HUNK: variants seen among roughly 807,000 people sequenced by gnomAD.
HUNK encodes hormonally up-regulated neu tumor-associated kinase.
In HUNK, 21 loss-of-function variants were observed where a neutral mutation model predicts 61.0. The observed-to-expected ratio is 0.34, with a 90% CI of 0.24 to 0.50. The LOEUF (loss-of-function observed/expected upper bound fraction) is 0.50. Ranked by LOEUF, HUNK falls within the 20% of genes least tolerant of loss-of-function variation. The pLI, the probability that HUNK is intolerant of heterozygous loss-of-function variation, is 0.98. For missense variants in HUNK, 772 were observed against 945.7 expected (o/e 0.82, Z 2.41); for synonymous variants, 371 against 386.1 (o/e 0.96, Z 0.46).
At position 31,873,974 on chromosome 21, in the gene HUNK, C is replaced by CG; in HGVS notation, c.261+42dup. ...GCGCCGTGGGGCTGGGGCACAGGGG[C>CG]GGGAGTCGGCGGCCAGGACCCCGCG... On this transcript the variant is annotated intron_variant, in intron 1 of 10. Coordinates refer to ENST00000270112, the MANE Select transcript of HUNK (RefSeq NM_014586.2). The surrounding 1 kb of genome is among the most constrained non-coding windows in gnomAD (Gnocchi z 6.1). 7.2e-7 allele frequency: 1 copy of CG among 1,393,740 alleles called. No homozygotes were observed. 86.3% of individuals were successfully genotyped at this position (1,393,740 alleles called of 1,614,324 possible).
chr21:31,997,306 G>A (rs2053212605), intron 10 of HUNK, among the ~76,000 whole-genome samples: 1 of 152,198 alleles, frequency 6.6e-6, no homozygotes, highest in Admixed American at 6.5e-5. Context: ...GAAACCATGG[G>A]GATCTGGCAG....
In HUNK at chr21:31,924,662, C is replaced by T; in HGVS notation, c.456C>T (p.Ile152=). ...CTGGGGGCAACCTGATGCACAAGAT[C>T]TATGAGAAGAAGCGGCTGGAGGAGT... ...LCPGGNLMHK[I]YEKKRLEESE... is the part of the protein sequence containing the mutation. The change falls in exon 2 of 11, where the codon ATC becomes ATT. Residue 152 remains isoleucine, a synonymous_variant. Coordinates refer to ENST00000270112, the MANE Select transcript of HUNK (RefSeq NM_014586.2). This position sits in a 1 kb window ranked among gnomAD's most constrained non-coding sequence, Gnocchi z 5.1. 1 of 1,614,150 alleles carries T rather than the reference C, an allele frequency of 6.2e-7. No homozygotes were observed. Among genetic ancestry groups the T allele is most frequent in the South Asian group, 1.1e-5 (1 of 91,086 alleles).
chr21:31,921,245 G>C (rs2052620721), intron 1 of HUNK, among the ~76,000 whole-genome samples: 1 of 150,864 alleles, frequency 6.6e-6, no homozygotes, highest in African/African-American at 2.4e-5. Context: ...TCTTTGCTTT[G>C]GTGATTCCAT....
At chr21:31,882,736 C>T (rs1354984089) in intron 1 of HUNK, among the ~76,000 whole-genome samples, 1 of 152,170 alleles carries the variant, frequency 6.6e-6, no homozygotes, top group African/African-American at 2.4e-5. Context: ...GTCACCCTAA[C>T]AGACATTAGA....
At chr21:31,921,854 G>C (rs2052624650) in intron 1 of HUNK, among the ~76,000 whole-genome samples, 1 of 152,022 alleles carries the variant, frequency 6.6e-6, no homozygotes. Context: ...GCTTTATTGA[G>C]GTTTAACTGA....
chr21:31,919,623 C>T (rs1568925300), intron 1 of HUNK, among the ~76,000 whole-genome samples: 3 of 152,322 alleles, frequency 2.0e-5, no homozygotes, highest in Non-Finnish European at 2.9e-5. Context: ...CCTATTTTGA[C>T]ATAGCTCATG....
intron 2 of HUNK, among the ~76,000 whole-genome samples, chr21:31,929,730 CCTG>C (rs1471547942): frequency 5.9e-5 from 9 of 152,324 alleles, no homozygotes; most frequent in Non-Finnish European, 1.3e-4. Context: ...GGAGCCCGAG[CCTG>C]AGCTCGGATG....
At chr21:31,990,718 T>C (rs1029432300) in intron 9 of HUNK, among the ~76,000 whole-genome samples, 8 of 151,994 alleles carry the variant, frequency 5.3e-5, no homozygotes, top group Non-Finnish European at 1.0e-4. Flanking sequence ...GTATTTTTAG[T>C]AGAGATAGAG....
chr21:31,974,711 G>T lies in HUNK; in HGVS notation c.1167G>T (p.Leu389Phe). ...TAAACAAGAAACTGGAGCGCTATTTGTCAGGGGTAAGTGCGACCCTAGAGG... is the reference window on the plus strand; with the variant it reads ...TAAACAAGAAACTGGAGCGCTATTTTTCAGGGGTAAGTGCGACCCTAGAGG... ...FLLNKKLERY[L>F]SGKSDIQDSL... is the part of the protein sequence containing the mutation. Residue 389 changes from leucine (L) to phenylalanine (F), a missense_variant, in exon 7 of 11, where the codon TTG becomes TTT. Leu to Phe is a conservative substitution (Grantham distance 22). Transcript: ENST00000270112. The T allele has an allele frequency of 6.2e-7, 1 of 1,613,298 alleles. No individual in the cohort carries two copies. The highest frequency in any genetic ancestry group is 8.5e-7 in the Non-Finnish European group (1 of 1,179,652).
chr21:31,979,281 G>A (rs2053074589), intron 7 of HUNK, among the ~76,000 whole-genome samples: 1 of 151,820 alleles, frequency 6.6e-6, no homozygotes. Flanking sequence ...ACCATGCCCA[G>A]CTAATTTTTG....
At chr21:31,891,784 A>G (rs1248725680) in intron 1 of HUNK, among the ~76,000 whole-genome samples, 1 of 152,200 alleles carries the variant, frequency 6.6e-6, no homozygotes, top group Non-Finnish European at 1.5e-5. Flanking sequence ...TAACCAATCC[A>G]GTAGTCTTTT....
In HUNK at chr21:31,968,327, C is replaced by T. The variant is rs192440238; in HGVS notation, c.952C>T (p.Arg318Cys). The change falls in exon 6 of 11, where the codon CGC becomes TGC. Residue 318 changes from arginine to cysteine, a missense_variant. Around this residue, in one of 2 missense-constraint regions of HUNK, gnomAD observed 359 missense variants for 501.3 expected, o/e 0.72. Coordinates refer to ENST00000270112, the MANE Select transcript of HUNK (RefSeq NM_014586.2). ...AAATATTCAGCAGGCACTGGCGAAT[C>T]GCTGGCTTAATGAGAATTACACGGG... ...RPNIQQALAN[R>C]WLNENYTGKV... 3.3e-5 allele frequency: 53 copies of T among 1,614,188 alleles called. No individual in the cohort carries two copies. The East Asian group carries it at 1.1e-3, about 33-fold the overall frequency.
intron 4 of HUNK, among the ~76,000 whole-genome samples, chr21:31,946,464 C>T (rs72613610): frequency 0.12 from 18,402 of 152,136 alleles, 1,195 homozygotes; most frequent in East Asian, 0.21. Flanking sequence ...GCCCCATCCT[C>T]CTGCCCTTAG....
intron 6 of HUNK, 179 bp from the exon 7 acceptor site, chr21:31,974,376 A>G: frequency 2.0e-6 from 1 of 509,320 alleles, no homozygotes; most frequent in Non-Finnish European, 3.4e-6. Context: ...AGATGATGGT[A>G]TACATAAAGT....
chr21:31,972,440 A>G (rs929095639), intron 6 of HUNK, among the ~76,000 whole-genome samples: 2 of 152,222 alleles, frequency 1.3e-5, no homozygotes, highest in East Asian at 3.8e-4. Flanking sequence ...CTCTCAGTCC[A>G]GAGTCAGTTG....
Position 31,975,620 on chromosome 21 carries a change from C to T in HUNK, c.1173+903C>T, listed in dbSNP as rs546026500. 2.9e-3 allele frequency among the ~76,000 whole-genome samples: 445 copies of T among 152,168 alleles called. 15 individuals are homozygous for T. The highest frequency in any genetic ancestry group is 3.1e-3 in the Non-Finnish European group (209 of 68,022). On this transcript the variant is annotated intron_variant, in intron 7 of 10. Transcript: ENST00000270112. ...CCTGTTGCACCTTGACATCTGATGG[C>T]GTGGAGTTGTCACTGTTAGGAAGAC... is the stretch of plus-strand genomic sequence containing the variant.
rs772351266 is a variant in HUNK at position 31,924,688 on chromosome 21, C to T, written c.482C>T (p.Ser161Phe). The T allele has an allele frequency of 6.2e-7, 1 of 1,614,050 alleles. No individual in the cohort carries two copies. Among genetic ancestry groups the T allele is most frequent in the East Asian group, 2.2e-5 (1 of 44,868 alleles). Residue 161 changes from serine (S) to phenylalanine (F), a missense_variant, in exon 2 of 11, where the codon TCC becomes TTC. Physicochemically the swap from Ser to Phe is radical, Grantham distance 155. Coordinates refer to ENST00000270112, the MANE Select transcript of HUNK (RefSeq NM_014586.2). The surrounding 1 kb of genome is among the most constrained non-coding windows in gnomAD (Gnocchi z 5.1). ...TATGAGAAGAAGCGGCTGGAGGAGT[C>T]CGAAGCCCGCAGATACATCCGACAG... The part of the protein sequence containing the change: ...KIYEKKRLEE[S>F]EARRYIRQLI...
intron 3 of HUNK, among the ~76,000 whole-genome samples, chr21:31,941,959 A>T (rs760995444): frequency 2.6e-5 from 4 of 152,234 alleles, no homozygotes; most frequent in African/African-American, 4.8e-5. Flanking sequence ...TCACACCTGT[A>T]ATCCCACTTT....
intron 7 of HUNK, among the ~76,000 whole-genome samples, chr21:31,982,953 G>A (rs2123243345): frequency 6.6e-6 from 1 of 152,262 alleles, no homozygotes; most frequent in East Asian, 1.9e-4. Flanking sequence ...ACAGGCGTGT[G>A]CCACCATGAT....
Sources: gnomAD v4.1 joint callset for allele counts (sites outside exome capture counted in the v4.1 genomes callset) on GRCh38, gnomAD v4.1.1 for gene constraint, gnomAD v4.1.1 regional missense constraint, Gnocchi (gnomAD v3.1) non-coding constraint, MANE v1.5 for transcripts, NCBI Gene and HGNC (gene_info 2026-07-23, HGNC 2026-07-21) for gene names.